PTPRM: variants seen among roughly 807,000 people sequenced by gnomAD.
PTPRM encodes the protein receptor-type tyrosine-protein phosphatase mu.
Under a neutral mutation model 186.7 loss-of-function variants are expected in PTPRM, and 47 were observed. The observed-to-expected ratio is 0.25, with a 90% confidence interval of 0.20 to 0.32. The LOEUF (loss-of-function observed/expected upper bound fraction) is 0.32, where lower values mean the gene tolerates loss of function less well. Among genes scored for constraint, PTPRM ranks in the 10% least tolerant of loss-of-function variants. The pLI, the probability that PTPRM is intolerant of heterozygous loss-of-function variation, is 1.00. For synonymous variants in PTPRM, 668 were observed against 674.9 expected (o/e 0.99, Z 0.16); for missense variants, 1,494 against 1,865.0 (o/e 0.80, Z 3.66).
At chr18:8,179,684 G>A (rs1402698819) in intron 14 of PTPRM, among the ~76,000 whole-genome samples, 1 of 151,710 alleles carries the variant, frequency 6.6e-6, no homozygotes, top group African/African-American at 2.4e-5. Flanking sequence ...TGGCCAGGAT[G>A]GTCTTGATCT....
At chr18:7,750,339 T>A (rs534399549) in intron 1 of PTPRM, among the ~76,000 whole-genome samples, 16 of 152,320 alleles carry the variant, frequency 1.1e-4, no homozygotes, top group African/African-American at 3.8e-4. Context: ...AAAGACTGTT[T>A]TATAACATCT....
chr18:7,891,197 G>T (rs2049059063), intron 3 of PTPRM, among the ~76,000 whole-genome samples: 1 of 152,118 alleles, frequency 6.6e-6, no homozygotes, highest in African/African-American at 2.4e-5. Flanking sequence ...GAGGCTGGAA[G>T]ATCGCTTGAG....
At chr18:7,842,947 T>TATATATATATATATATATATAGAG (rs370746043) in intron 2 of PTPRM, among the ~76,000 whole-genome samples, 1 of 112,130 alleles carries the variant, frequency 8.9e-6, no homozygotes, top group African/African-American at 4.2e-5. Flanking sequence ...TATATATATA[T>TATATATATATATATATATATAGAG]AGAGAGAGAG....
At chr18:7,803,312 A>G (rs2044069463) in intron 2 of PTPRM, among the ~76,000 whole-genome samples, 1 of 152,124 alleles carries the variant, frequency 6.6e-6, no homozygotes, top group African/African-American at 2.4e-5. Context: ...TTTCCAGCTT[A>G]CAAAGGCTGC....
At chr18:7,650,845 CCTT>C (rs2038684139) in intron 1 of PTPRM, among the ~76,000 whole-genome samples, 1 of 151,946 alleles carries the variant, frequency 6.6e-6, no homozygotes, top group African/African-American at 2.4e-5. Context: ...TGACCTTACA[CCTT>C]CTACAAAAAC....
intron 20 of PTPRM, among the ~76,000 whole-genome samples, chr18:8,306,400 A>G (rs1273771298): frequency 1.3e-5 from 2 of 152,198 alleles, no homozygotes; most frequent in Admixed American, 1.3e-4. Flanking sequence ...CTTGGACACC[A>G]AAGCCCCTGT....
chr18:7,619,365 G>A (rs1047688321), intron 1 of PTPRM, among the ~76,000 whole-genome samples: 3 of 152,144 alleles, frequency 2.0e-5, no homozygotes, highest in Non-Finnish European at 4.4e-5. Context: ...TTTCACTTGG[G>A]ATTGACTGGG....
At chr18:8,238,313 C>G (rs1447336503) in intron 14 of PTPRM, among the ~76,000 whole-genome samples, 3 of 151,848 alleles carry the variant, frequency 2.0e-5, no homozygotes, top group Non-Finnish European at 4.4e-5. Flanking sequence ...TGTCTTTTTT[C>G]TCTTTTCAGT....
intron 4 of PTPRM, among the ~76,000 whole-genome samples, chr18:7,925,112 T>C (rs192549915): frequency 2.1e-3 from 316 of 152,324 alleles, no homozygotes; most frequent in African/African-American, 7.4e-3. Flanking sequence ...ACAATGGGTC[T>C]TTGACTTTTT....
At chr18:7,569,463 C>T (rs1567959258) in intron 1 of PTPRM, among the ~76,000 whole-genome samples, 1 of 152,190 alleles carries the variant, frequency 6.6e-6, no homozygotes, top group Admixed American at 6.5e-5. Flanking sequence ...AGAATTTGGT[C>T]TGTGTTCTTA....
At chr18:7,978,208 C>T (rs17567141) in intron 7 of PTPRM, among the ~76,000 whole-genome samples, 50,089 of 152,004 alleles carry the variant, frequency 0.33, 9,347 homozygotes, top group Non-Finnish European at 0.43. Context: ...GAATCTTTCA[C>T]TTCAAGACAG....
chr18:8,148,373 T>C (rs1240395801), intron 14 of PTPRM, among the ~76,000 whole-genome samples: 1 of 152,194 alleles, frequency 6.6e-6, no homozygotes, highest in Admixed American at 6.5e-5. Context: ...TGGTTTAGAC[T>C]TGGGAGGGTG....
At chr18:8,283,311 A>G (rs1486590516) in intron 19 of PTPRM, among the ~76,000 whole-genome samples, 1 of 152,252 alleles carries the variant, frequency 6.6e-6, no homozygotes, top group Non-Finnish European at 1.5e-5. Flanking sequence ...ATTATTTCAA[A>G]ATAAAAAGCT....
chr18:7,874,600 G>T (rs557356570), intron 2 of PTPRM, among the ~76,000 whole-genome samples: 1 of 151,480 alleles, frequency 6.6e-6, no homozygotes, highest in Non-Finnish European at 1.5e-5. Context: ...TGAAAAACGA[G>T]TTTTAAAACC....
At chr18:8,145,017 G>T (rs995932410) in intron 14 of PTPRM, among the ~76,000 whole-genome samples, 1 of 152,296 alleles carries the variant, frequency 6.6e-6, no homozygotes, top group South Asian at 2.1e-4. Context: ...TGGCCTTTGA[G>T]TAGGTGGTAA....
At chr18:8,333,423 A>G (rs1360366477) in intron 22 of PTPRM, among the ~76,000 whole-genome samples, 2 of 152,238 alleles carry the variant, frequency 1.3e-5, no homozygotes, top group Non-Finnish European at 2.9e-5. Context: ...TACCGTTTAC[A>G]TCTCACTACT....
chr18:8,020,251 C>G (rs2085128106), intron 7 of PTPRM, among the ~76,000 whole-genome samples: 1 of 152,210 alleles, frequency 6.6e-6, no homozygotes, highest in Non-Finnish European at 1.5e-5. Context: ...CCGCAGTGCT[C>G]TGTCCAAATA....
Position 7,839,959 on chromosome 18 carries a change from G to A in PTPRM, c.197-48147G>A, listed in dbSNP as rs2046239656. On this transcript the variant is annotated intron_variant, in intron 2 of 32. Coordinates refer to ENST00000580170, the MANE Select transcript of PTPRM (RefSeq NM_001105244.2). ...GTTTGCTCTGGTTTTGTTTTCTGCTGTAACAAGGCAGCACTGAGTTTAGTG... is the reference window on the plus strand; with the variant it reads ...GTTTGCTCTGGTTTTGTTTTCTGCTATAACAAGGCAGCACTGAGTTTAGTG... Among the ~76,000 whole-genome samples, 4 of 151,794 alleles carry A rather than the reference G, an allele frequency of 2.6e-5. No individual in the cohort carries two copies. The South Asian group carries it at 8.3e-4, about 32-fold the overall frequency.
chr18:8,197,147 G>A (rs963688988), intron 14 of PTPRM, among the ~76,000 whole-genome samples: 1 of 152,136 alleles, frequency 6.6e-6, no homozygotes, highest in African/African-American at 2.4e-5. Flanking sequence ...TGAACAGCAG[G>A]GCATTAAATA....
Sources: allele counts gnomAD v4.1 joint callset (sites outside exome capture counted in the v4.1 genomes callset), GRCh38; gene constraint gnomAD v4.1.1; transcripts MANE v1.5; gene names NCBI Gene and HGNC (gene_info 2026-07-23, HGNC 2026-07-21).